The following NSMAF variants were observed in gnomAD, a reference collection of about 807,000 sequenced individuals.
NSMAF encodes the protein neutral sphingomyelinase activation associated factor, also known as protein FAN.
A neutral mutation model predicts 134.9 loss-of-function variants in NSMAF; 90 were observed. That is an observed-to-expected ratio of 0.67 (90% CI 0.56 to 0.79). The LOEUF is 0.79. Among genes scored for constraint, NSMAF ranks in the 30% least tolerant of loss-of-function variants. The pLI, the probability that NSMAF is intolerant of heterozygous loss-of-function variation, is 0.00. For synonymous variants in NSMAF, 358 were observed against 389.6 expected (o/e 0.92, Z 0.96); for missense variants, 1,010 against 1,119.0 (o/e 0.90, Z 1.39).
chr8:58,613,982 CAG>C (rs1358838576), intron 9 of NSMAF, among the ~76,000 whole-genome samples: 30 of 152,128 alleles, frequency 2.0e-4, no homozygotes, highest in African/African-American at 6.8e-4. Context: ...TCAAGTGGTA[CAG>C]CAAAATGCTG....
At position 58,600,017 on chromosome 8, in the gene NSMAF, C is replaced by A. The variant is rs769856319; in HGVS notation, c.1285G>T (p.Ala429Ser). The A allele has an allele frequency of 1.2e-6, 2 of 1,612,622 alleles. No homozygotes were observed. Among genetic ancestry groups the A allele is most frequent in the Non-Finnish European group, 8.5e-7 (1 of 1,179,074 alleles). The stretch of plus-strand genomic sequence containing the variant: ...TCCAGACAGTTTTTCCAAGTTTCTG[C>A]AATACTACATATGAAAAAAAAATTC... ...DNADRMFNSI[A>S]ETWKNCLDGA... Residue 429 changes from alanine (A) to serine (S), a missense_variant, in exon 17 of 31, where the codon GCA (alanine) becomes TCA (serine). Physicochemically the swap from Ala to Ser is moderately conservative, Grantham distance 99 (BLOSUM62 1). Coordinates refer to ENST00000038176, the MANE Select transcript of NSMAF (RefSeq NM_003580.4).
intron 12 of NSMAF, 39 bp downstream of exon 12, chr8:58,605,880 CAAAAAAAA>C: frequency 7.9e-7 from 1 of 1,273,350 alleles, no homozygotes; most frequent in Non-Finnish European, 9.9e-7. Context: ...ACTCAGCCTC[CAAAAAAAA>C]AAAAAAAAGA....
At chr8:58,633,745 A>G (rs918988610) in intron 5 of NSMAF, among the ~76,000 whole-genome samples, 3 of 152,218 alleles carry the variant, frequency 2.0e-5, no homozygotes, top group African/African-American at 7.2e-5. Flanking sequence ...AAAGCACCGT[A>G]CTATATTTCT....
At chr8:58,656,074 A>G (rs1409800967) in intron 1 of NSMAF, among the ~76,000 whole-genome samples, 1 of 151,894 alleles carries the variant, frequency 6.6e-6, no homozygotes, top group African/African-American at 2.4e-5. Context: ...GCTGGAGTGC[A>G]ATGGCACCAT....
intron 2 of NSMAF, among the ~76,000 whole-genome samples, chr8:58,642,670 A>G (rs1267227627): frequency 6.6e-6 from 1 of 152,198 alleles, no homozygotes; most frequent in African/African-American, 2.4e-5. Context: ...CAGAATTGGA[A>G]CAAATGCTTT....
intron 9 of NSMAF, among the ~76,000 whole-genome samples, chr8:58,622,040 G>T (rs1035706686): frequency 2.0e-5 from 3 of 152,156 alleles, no homozygotes; most frequent in East Asian, 3.9e-4. Context: ...TGAAATCTTT[G>T]CTGGGGCCTA....
At chr8:58,590,811 G>A (rs1374035948) in intron 24 of NSMAF, 56 bp downstream of exon 24, 3 of 1,480,400 alleles carry the variant, frequency 2.0e-6, no homozygotes, top group Admixed American at 3.7e-5. Context: ...GTATGGGTGT[G>A]TATAAAACAA....
Position 58,609,731 on chromosome 8 carries a change from A to T in NSMAF, c.560T>A (p.Phe187Tyr), listed in dbSNP as rs1806484860. 1 of 1,613,894 alleles carries T rather than the reference A, an allele frequency of 6.2e-7. No individual in the cohort carries two copies. The highest frequency in any genetic ancestry group is 1.7e-5 in the Admixed American group (1 of 59,992). The part of the protein sequence containing the change: ...LARTSFDKNR[F>Y]QNISEKLHME... ...GTGCAGCTTTTCAGAAATGTTTTGG[A>T]ACCTGAAAATAGGTTTTTCAGCAAA... is the stretch of plus-strand genomic sequence containing the variant. The change falls in exon 10 of 31, where the codon TTC (phenylalanine) becomes TAC (tyrosine). Residue 187 changes from phenylalanine to tyrosine, a missense_variant and splice_region_variant. Coordinates refer to ENST00000038176, the MANE Select transcript of NSMAF (RefSeq NM_003580.4).
intron 23 of NSMAF, among the ~76,000 whole-genome samples, chr8:58,591,476 C>T (rs1265789243): frequency 6.8e-6 from 1 of 146,116 alleles, no homozygotes; most frequent in Non-Finnish European, 1.5e-5. Context: ...GTAACAGAAA[C>T]CTTCCTTTTT....
chr8:58,619,840 C>T (rs927789132), intron 9 of NSMAF, among the ~76,000 whole-genome samples: 1 of 152,090 alleles, frequency 6.6e-6, no homozygotes, highest in African/African-American at 2.4e-5. Context: ...AGCACAATTG[C>T]TTTTATGGAA....
intron 26 of NSMAF, 31 bp downstream of exon 26, chr8:58,589,421 G>C: frequency 7.0e-7 from 1 of 1,423,764 alleles, no homozygotes; most frequent in Non-Finnish European, 9.2e-7. Flanking sequence ...AGCACACCAA[G>C]TTAAAAAAAC....
Position 58,599,802 on chromosome 8 carries a change from C to A in NSMAF, c.1401G>T (p.Lys467Asn), listed in dbSNP as rs566534724. 2.5e-6 allele frequency: 4 copies of A among 1,614,136 alleles called. No individual in the cohort carries two copies. Among genetic ancestry groups the A allele is most frequent in the Admixed American group, 1.7e-5 (1 of 60,022 alleles). Residue 467 changes from lysine (K) to asparagine (N), a missense_variant, in exon 18 of 31, where the codon AAG (lysine) becomes AAT (asparagine). Coordinates refer to ENST00000038176, the MANE Select transcript of NSMAF (RefSeq NM_003580.4). ...CGTCAACCATCTGTCCTCCTTGTCTCTTTCCCAAATCCAACTTCAGGCTAT... is the reference window on the plus strand; with the variant it reads ...CGTCAACCATCTGTCCTCCTTGTCTATTTCCCAAATCCAACTTCAGGCTAT... Reference protein sequence around the residue: ...LVNSLKLDLGKRQGGQMVDDV... With the variant: ...LVNSLKLDLGNRQGGQMVDDV...
intron 11 of NSMAF, 120 bp from the exon 12 acceptor site, chr8:58,606,155 T>G: frequency 1.2e-6 from 1 of 853,738 alleles, no homozygotes; most frequent in Non-Finnish European, 1.7e-6. Context: ...TTATAACTTA[T>G]ATTCCTATTT....
rs1250742032 is a variant in NSMAF at position 58,585,077 on chromosome 8, T to C, written c.2659+575A>G. On this transcript the variant is annotated intron_variant, in intron 30 of 30. Coordinates refer to ENST00000038176, the MANE Select transcript of NSMAF (RefSeq NM_003580.4). ...ATTAAAAACCAAGTCCTCCAAATGA[T>C]CAGAAAGCAAGCAAGAATTTGTAAG... is the stretch of plus-strand genomic sequence containing the variant. Among the ~76,000 whole-genome samples, 3 of 152,140 alleles carry C rather than the reference T, an allele frequency of 2.0e-5. 1 individual carries two copies. Among genetic ancestry groups the C allele is most frequent in the Non-Finnish European group, 4.4e-5 (3 of 68,030 alleles).
intron 14 of NSMAF, 25 bp from the exon 15 acceptor site, chr8:58,601,560 A>AAAT: frequency 6.3e-7 from 1 of 1,575,104 alleles, no homozygotes; most frequent in East Asian, 2.3e-5. Context: ...AAAAAAAAAA[A>AAAT]TAGAGCTAAG....
In NSMAF at chr8:58,631,515, G is replaced by GC; in HGVS notation, c.364dup (p.Ala122GlyfsTer4). 1.3e-6 allele frequency: 2 copies of GC among 1,508,450 alleles called. No individual in the cohort carries two copies. Among genetic ancestry groups the GC allele is most frequent in the Non-Finnish European group, 1.8e-6 (2 of 1,111,126 alleles). The allele number at this position is 1,508,450 out of a possible 1,614,324, so 93.4% of individuals were successfully genotyped here. A position where few individuals can be genotyped will look rare whatever the true frequency, so the allele number is the denominator to read the frequency against. On this transcript the variant is annotated frameshift_variant, in exon 6 of 31. Coordinates refer to ENST00000038176, the MANE Select transcript of NSMAF (RefSeq NM_003580.4). LOFTEE classifies it high-confidence loss of function. ...ACTTACCCTTTCTATTTTATATGGT[G>GC]CAACAACATTATGTTCTTTAATGAA...
intron 6 of NSMAF, among the ~76,000 whole-genome samples, chr8:58,625,481 T>A (rs1352376028): frequency 6.6e-6 from 1 of 152,226 alleles, no homozygotes; most frequent in African/African-American, 2.4e-5. Flanking sequence ...GAACCCTGAC[T>A]AATGCATTTG....
chr8:58,585,031 A>T (rs1031056703), intron 30 of NSMAF, among the ~76,000 whole-genome samples: 4 of 152,230 alleles, frequency 2.6e-5, no homozygotes, highest in African/African-American at 9.6e-5. Flanking sequence ...AACTCAAGGG[A>T]TAACAAGAGA....
intron 1 of NSMAF, among the ~76,000 whole-genome samples, chr8:58,649,486 G>C (rs979472851): frequency 5.9e-5 from 9 of 152,090 alleles, no homozygotes; most frequent in Non-Finnish European, 8.8e-5. Context: ...AGATTTAGGG[G>C]GCCAGGGGCA....
Sources: gnomAD v4.1 joint callset for allele counts (sites outside exome capture counted in the v4.1 genomes callset) on GRCh38, gnomAD v4.1.1 for gene constraint, MANE v1.5 for transcripts, NCBI Gene and HGNC (gene_info 2026-07-23, HGNC 2026-07-21) for gene names.